Variants in LMBR1 observed in about 807,000 individuals in gnomAD.
LMBR1 encodes the protein limb development membrane protein 1.
A neutral mutation model predicts 73.9 loss-of-function variants in LMBR1; 52 were observed. That is an observed-to-expected ratio of 0.70 (90% confidence interval 0.56 to 0.89). The LOEUF (loss-of-function observed/expected upper bound fraction) is 0.89. LMBR1 is among the 40% of genes least tolerant of loss of function. The pLI is 0.00. For synonymous variants in LMBR1, 215 were observed against 209.4 expected (o/e 1.03, Z -0.23); for missense variants, 539 against 579.8 (o/e 0.93, Z 0.72).
downstream of LMBR1, among the ~76,000 whole-genome samples, chr7:156,672,898 T>A (rs1407983368): frequency 6.6e-6 from 1 of 152,254 alleles, no homozygotes; most frequent in Admixed American, 6.5e-5. Context: ...GTAACTTCTA[T>A]GACCGTGGTT....
rs1282365391 is a variant in LMBR1 at position 156,680,815 on chromosome 7, T to C, written c.*3263A>G. On this transcript the variant is annotated 3_prime_UTR_variant, in exon 17 of 17. Transcript: ENST00000353442. ...CCTTAAGTTTTAGCCATGATAATAT[T>C]TAAGATGGAAAAAACAAAAGAACAA... The C allele has an allele frequency of 9.9e-6, 2 of 202,996 alleles. No individual in the cohort carries two copies. Among genetic ancestry groups the C allele is most frequent in the Non-Finnish European group, 2.0e-5 (2 of 101,850 alleles). The allele number at this position is 202,996 out of a possible 1,614,324, so 12.6% of individuals were successfully genotyped here. A position where few individuals can be genotyped will look rare whatever the true frequency, so the allele number is the denominator to read the frequency against.
At chr7:156,878,972 T>C (rs1234527689) in intron 1 of LMBR1, among the ~76,000 whole-genome samples, 2 of 152,186 alleles carry the variant, frequency 1.3e-5, no homozygotes, top group Non-Finnish European at 2.9e-5. Flanking sequence ...CAAATAGTGC[T>C]GAGATACTTG....
chr7:156,885,914 C>T (rs911159072), intron 1 of LMBR1, among the ~76,000 whole-genome samples: 1 of 151,764 alleles, frequency 6.6e-6, no homozygotes, highest in African/African-American at 2.4e-5. Flanking sequence ...GGTGGTGGCA[C>T]CTGTAATCCC....
At chr7:156,840,960 G>A (rs1731926019) in intron 1 of LMBR1, among the ~76,000 whole-genome samples, 2 of 120,632 alleles carry the variant, frequency 1.7e-5, no homozygotes, top group Non-Finnish European at 1.7e-5. Flanking sequence ...GCAAGACTCG[G>A]TCTCAAAAAA....
Position 156,778,469 on chromosome 7 carries a change from C to A in LMBR1, c.424-14674G>T, listed in dbSNP as rs73741535. ...TTTCTGTGATTAAATGAGACAAAAC[C>A]TGTCCAACTTAAAATCAATTAAATA... On this transcript the variant is annotated intron_variant, in intron 5 of 16. Coordinates refer to ENST00000353442, the MANE Select transcript of LMBR1 (RefSeq NM_022458.4). 1.1e-3 allele frequency among the ~76,000 whole-genome samples: 163 copies of A among 152,266 alleles called. 2 individuals carry two copies. Among genetic ancestry groups the A allele is most frequent in the African/African-American group, 3.8e-3 (159 of 41,566 alleles).
intron 15 of LMBR1, among the ~76,000 whole-genome samples, chr7:156,711,851 C>T (rs1351637019): frequency 2.6e-5 from 4 of 152,062 alleles, no homozygotes; most frequent in African/African-American, 9.7e-5. Context: ...AAAATCAACT[C>T]AAGATGGATT....
intron 4 of LMBR1, 81 bp downstream of exon 4, chr7:156,826,524 T>C (rs1262739148): frequency 9.8e-7 from 1 of 1,018,696 alleles, no homozygotes; most frequent in Non-Finnish European, 1.3e-6. Flanking sequence ...TGAAGAAAAC[T>C]GAGAAAAGAA....
chr7:156,726,730 A>T (rs1460945415), intron 12 of LMBR1, among the ~76,000 whole-genome samples: 4 of 152,154 alleles, frequency 2.6e-5, no homozygotes, highest in African/African-American at 9.7e-5. Flanking sequence ...AAAATTTGGG[A>T]CCTGGTATTT....
At chr7:156,759,381 C>T (rs904452320) in intron 8 of LMBR1, among the ~76,000 whole-genome samples, 2 of 152,228 alleles carry the variant, frequency 1.3e-5, no homozygotes, top group African/African-American at 4.8e-5. Context: ...GGCAGACCAG[C>T]TTCTGGTATG....
intron 1 of LMBR1, among the ~76,000 whole-genome samples, chr7:156,850,857 G>A (rs1586222630): frequency 2.0e-5 from 3 of 152,174 alleles, no homozygotes; most frequent in African/African-American, 7.2e-5. Flanking sequence ...ACTGTTGGAG[G>A]TGAACCCTGG....
intron 4 of LMBR1, among the ~76,000 whole-genome samples, chr7:156,826,239 C>T (rs1835677337): frequency 6.6e-6 from 1 of 152,204 alleles, no homozygotes; most frequent in Non-Finnish European, 1.5e-5. Context: ...CTCGACCTCT[C>T]AAAGTGCTGG....
intron 1 of LMBR1, among the ~76,000 whole-genome samples, chr7:156,843,899 C>G (rs570353762): frequency 6.7e-6 from 1 of 150,144 alleles, no homozygotes; most frequent in Non-Finnish European, 1.5e-5. Flanking sequence ...GATGAGAAAG[C>G]ATGAAAATGG....
chr7:156,884,774 A>G (rs1801620016), intron 1 of LMBR1, among the ~76,000 whole-genome samples: 1 of 152,238 alleles, frequency 6.6e-6, no homozygotes, highest in East Asian at 1.9e-4. Flanking sequence ...TCAGAAGACT[A>G]CAGACTCCAA....
chr7:156,729,418 G>GATATATAT (rs10676443), intron 10 of LMBR1, among the ~76,000 whole-genome samples: 55 of 146,970 alleles, frequency 3.7e-4, no homozygotes, highest in African/African-American at 1.3e-3. Flanking sequence ...TCTACATATT[G>GATATATAT]ATATATATAT....
chr7:156,833,134 T>G (rs1836983638), intron 3 of LMBR1, among the ~76,000 whole-genome samples: 1 of 152,218 alleles, frequency 6.6e-6, no homozygotes, highest in Non-Finnish European at 1.5e-5. Flanking sequence ...GTGTTCTACT[T>G]CCACCTTTTC....
At chr7:156,815,557 C>T (rs1833788443) in intron 4 of LMBR1, among the ~76,000 whole-genome samples, 1 of 152,134 alleles carries the variant, frequency 6.6e-6, no homozygotes, top group African/African-American at 2.4e-5. Flanking sequence ...TCAAAATTCC[C>T]CACATCCCTG....
chr7:156,744,870 C>T (rs1465932774), intron 9 of LMBR1, among the ~76,000 whole-genome samples: 1 of 152,104 alleles, frequency 6.6e-6, no homozygotes, highest in Admixed American at 6.6e-5. Context: ...CTTTTCTAGC[C>T]CTTGAGGGCC....
In LMBR1 at chr7:156,856,539, C is replaced by T. The variant is rs116949995; in HGVS notation, c.67-19654G>A. Among the ~76,000 whole-genome samples the T allele has an allele frequency of 8.2e-3, 1,240 of 151,818 alleles. 12 individuals carry two copies. The highest frequency in any genetic ancestry group is 0.014 in the Non-Finnish European group (935 of 67,892). On this transcript the variant is annotated intron_variant, in intron 1 of 16. Coordinates refer to ENST00000353442, the MANE Select transcript of LMBR1 (RefSeq NM_022458.4). ...AGATTGAAACCAGCCAGGCCAACATCGAGAAACCCCATCTCTACTAAAAAT... is the reference window on the plus strand; with the variant it reads ...AGATTGAAACCAGCCAGGCCAACATTGAGAAACCCCATCTCTACTAAAAAT...
chr7:156,761,687 A>T (rs917839796), intron 8 of LMBR1, among the ~76,000 whole-genome samples: 1 of 152,122 alleles, frequency 6.6e-6, no homozygotes, highest in Admixed American at 6.5e-5. Context: ...TAAACAAAAA[A>T]CTTAATAGGC....
Sources: gnomAD v4.1 joint callset for allele counts (sites outside exome capture counted in the v4.1 genomes callset) on GRCh38, gnomAD v4.1.1 for gene constraint, MANE v1.5 for transcripts, NCBI Gene and HGNC (gene_info 2026-07-23, HGNC 2026-07-21) for gene names.